C8orf34: variants seen among roughly 807,000 people sequenced by gnomAD.
C8orf34 encodes the protein chromosome 8 open reading frame 34, also known as uncharacterized protein C8orf34.
Under a neutral mutation model 68.3 loss-of-function variants are expected in C8orf34, and 65 were observed. The ratio of observed to expected loss-of-function variants is 0.95; its 90% CI spans 0.78 to 1.17. The LOEUF is 1.17. Among genes scored for constraint, C8orf34 ranks in the 50% most tolerant of loss-of-function variants. The probability of loss-of-function intolerance (pLI) is 0.00; values close to 1 mark genes in which losing one functional copy is unlikely to be tolerated. For synonymous variants in C8orf34, 244 were observed against 241.2 expected (o/e 1.01, Z -0.11); for missense variants, 664 against 655.4 (o/e 1.01, Z -0.14).
At chr8:68,504,085 C>G (rs1813897738) in intron 5 of C8orf34, among the ~76,000 whole-genome samples, 1 of 152,150 alleles carries the variant, frequency 6.6e-6, no homozygotes, top group African/African-American at 2.4e-5. Flanking sequence ...ACTCTCACTC[C>G]CCAGTCCCTC....
chr8:68,692,617 C>T (rs1820717818), intron 8 of C8orf34, among the ~76,000 whole-genome samples: 1 of 152,000 alleles, frequency 6.6e-6, no homozygotes, highest in Non-Finnish European at 1.5e-5. Flanking sequence ...AAATAAATGA[C>T]AGGTAAAGGC....
chr8:68,632,774 G>A (rs1162681304), intron 7 of C8orf34, among the ~76,000 whole-genome samples: 1 of 152,156 alleles, frequency 6.6e-6, no homozygotes, highest in East Asian at 1.9e-4. Flanking sequence ...CTCAAACTAT[G>A]GCTTAAGAGG....
intron 8 of C8orf34, among the ~76,000 whole-genome samples, chr8:68,644,057 A>C (rs1563581720): frequency 6.6e-6 from 1 of 152,146 alleles, no homozygotes; most frequent in South Asian, 2.1e-4. Context: ...AGGAGTGAAG[A>C]CTCTCCCTTT....
At chr8:68,569,389 A>G (rs568816579) in intron 7 of C8orf34, among the ~76,000 whole-genome samples, 30 of 152,336 alleles carry the variant, frequency 2.0e-4, no homozygotes, top group African/African-American at 7.2e-4. Flanking sequence ...AAGAAGTAGG[A>G]GACAGCAAAC....
At chr8:68,533,409 C>A (rs1009584995) in intron 7 of C8orf34, 3 of 1,144,540 alleles carry the variant, frequency 2.6e-6, no homozygotes, top group Non-Finnish European at 3.2e-6. Flanking sequence ...CGTAATGAAG[C>A]GTTATTCTGT....
At chr8:68,341,491 T>C (rs1002312182) in intron 1 of C8orf34, among the ~76,000 whole-genome samples, 11 of 152,306 alleles carry the variant, frequency 7.2e-5, no homozygotes, top group Admixed American at 5.2e-4. Flanking sequence ...AATGGAATAC[T>C]GGGTACCAGA....
At chr8:68,337,396 A>C (rs1022270437) in intron 1 of C8orf34, among the ~76,000 whole-genome samples, 39 of 152,310 alleles carry the variant, frequency 2.6e-4, no homozygotes, top group African/African-American at 7.7e-4. Context: ...TAATAGAGAA[A>C]ATCTACAAAG....
chr8:68,575,956 G>GTTTTTTTTT (rs59081528), intron 7 of C8orf34, among the ~76,000 whole-genome samples: 3 of 96,346 alleles, frequency 3.1e-5, no homozygotes, highest in African/African-American at 3.6e-5. Context: ...GTAGATGGTT[G>GTTTTTTTTT]TTTTTTTTTT....
intron 1 of C8orf34, among the ~76,000 whole-genome samples, chr8:68,360,180 G>A (rs2129619321): frequency 6.6e-6 from 1 of 152,200 alleles, no homozygotes; most frequent in Admixed American, 6.5e-5. Context: ...CTTCTAATGA[G>A]TTCTGTGAAA....
Position 68,614,805 on chromosome 8 carries a change from G to A in C8orf34, c.1106-25571G>A, listed in dbSNP as rs566766574. On this transcript the variant is annotated intron_variant, in intron 7 of 13. Coordinates refer to ENST00000518698, the MANE Select transcript of C8orf34 (RefSeq NM_052958.4). ...TTGGTTCCACATGAACTTTAAAGTA[G>A]TTTTTTCCAATTCTGTGAAGAAAGT... Among the ~76,000 whole-genome samples the A allele has an allele frequency of 2.9e-5, 4 of 139,384 alleles. No individual in the cohort carries two copies. The East Asian group carries it at 8.4e-4, about 29-fold the overall frequency. 91.4% of individuals were successfully genotyped at this position (139,384 alleles called of 152,430 possible). A position where few individuals can be genotyped will look rare whatever the true frequency, so the allele number is the denominator to read the frequency against.
intron 1 of C8orf34, among the ~76,000 whole-genome samples, chr8:68,348,412 G>A (rs1338571487): frequency 6.6e-6 from 1 of 151,998 alleles, no homozygotes; most frequent in African/African-American, 2.4e-5. Context: ...CTCCAGCTTT[G>A]TTCTTTTTGC....
intron 11 of C8orf34, among the ~76,000 whole-genome samples, chr8:68,777,826 T>G (rs1823565424): frequency 6.6e-6 from 1 of 152,206 alleles, no homozygotes; most frequent in South Asian, 2.1e-4. Flanking sequence ...ATATCTTGCT[T>G]ATTCATCTGC....
chr8:68,463,362 A>G (rs916983880), intron 3 of C8orf34, among the ~76,000 whole-genome samples: 6 of 152,166 alleles, frequency 3.9e-5, no homozygotes, highest in Admixed American at 2.0e-4. Flanking sequence ...TACCAGAGGT[A>G]CAAGGAGGAA....
intron 7 of C8orf34, among the ~76,000 whole-genome samples, chr8:68,605,489 A>C (rs1817827928): frequency 6.7e-6 from 1 of 149,546 alleles, no homozygotes; most frequent in South Asian, 2.1e-4. Context: ...ATGGATAAAT[A>C]AATTATGGTG....
At chr8:68,734,042 G>A (rs953805899) in intron 10 of C8orf34, among the ~76,000 whole-genome samples, 1 of 152,028 alleles carries the variant, frequency 6.6e-6, no homozygotes, top group Admixed American at 6.5e-5. Flanking sequence ...TATCAAGAAA[G>A]TATTTGCATT....
At chr8:68,699,760 A>T (rs779877069) in intron 8 of C8orf34, among the ~76,000 whole-genome samples, 2 of 152,136 alleles carry the variant, frequency 1.3e-5, no homozygotes, top group African/African-American at 2.4e-5. Context: ...CTCTGCCAGG[A>T]AAGTAATTAG....
intron 10 of C8orf34, among the ~76,000 whole-genome samples, chr8:68,746,179 G>T (rs1372337650): frequency 6.6e-6 from 1 of 152,064 alleles, no homozygotes; most frequent in Non-Finnish European, 1.5e-5. Context: ...GATGTTCTTT[G>T]AAACCAATGA....
intron 10 of C8orf34, among the ~76,000 whole-genome samples, chr8:68,769,448 T>G (rs1266536317): frequency 6.6e-6 from 1 of 152,042 alleles, no homozygotes; most frequent in Admixed American, 6.6e-5. Flanking sequence ...ATTTTAGTAT[T>G]ACAAAGGTAA....
intron 7 of C8orf34, among the ~76,000 whole-genome samples, chr8:68,599,617 C>G (rs1461512790): frequency 6.6e-6 from 1 of 151,896 alleles, no homozygotes; most frequent in Non-Finnish European, 1.5e-5. Context: ...ATTCCTCCCT[C>G]ACAGAATACA....
Sources: allele counts gnomAD v4.1 joint callset (sites outside exome capture counted in the v4.1 genomes callset), GRCh38; gene constraint gnomAD v4.1.1; transcripts MANE v1.5; gene names NCBI Gene and HGNC (gene_info 2026-07-23, HGNC 2026-07-21).